PPP1R7: variants seen among roughly 807,000 people sequenced by gnomAD.
PPP1R7 encodes the protein protein phosphatase 1 regulatory subunit 7.
In PPP1R7, 18 loss-of-function variants were observed where a neutral mutation model predicts 45.2. The ratio of observed to expected loss-of-function variants is 0.40; its 90% confidence interval spans 0.28 to 0.59. The LOEUF (loss-of-function observed/expected upper bound fraction) is 0.59. Among genes scored for constraint, PPP1R7 ranks in the 20% least tolerant of loss-of-function variants. The probability of loss-of-function intolerance (pLI) is 0.46; values close to 1 mark genes in which losing one functional copy is unlikely to be tolerated. For missense variants in PPP1R7, 314 were observed against 455.8 expected (o/e 0.69, Z 2.83); for synonymous variants, 181 against 183.4 (o/e 0.99, Z 0.11).
At chr2:241,156,698 GT>G (rs2125483790) in intron 2 of PPP1R7, among the ~76,000 whole-genome samples, 1 of 152,182 alleles carries the variant, frequency 6.6e-6, no homozygotes, top group South Asian at 2.1e-4. Context: ...ATTTAAAAAA[GT>G]TTTTTAAAAG....
chr2:241,178,286 CCT>C (rs1477046946), intron 9 of PPP1R7, among the ~76,000 whole-genome samples: 3 of 152,194 alleles, frequency 2.0e-5, no homozygotes, highest in African/African-American at 7.2e-5. Flanking sequence ...AACCCTGGCG[CCT>C]CTGTTTTCAA....
upstream of PPP1R7, chr2:241,149,612 C>T: frequency 6.5e-7 from 1 of 1,528,228 alleles, no homozygotes; most frequent in Non-Finnish European, 8.8e-7. Context: ...ACGCACCAAA[C>T]ACCCCTACGG....
chr2:241,177,411 A>G (rs1574733468), intron 9 of PPP1R7, among the ~76,000 whole-genome samples: 1 of 137,288 alleles, frequency 7.3e-6, no homozygotes, highest in South Asian at 2.3e-4. Context: ...GCTAGACTCC[A>G]CCTTAAAAAA....
chr2:241,153,400 C>G, intron 1 of PPP1R7, 76 bp from the exon 2 acceptor site: 1 of 1,567,598 alleles, frequency 6.4e-7, no homozygotes, highest in Non-Finnish European at 8.7e-7. Context: ...TTTTGACTTA[C>G]AACCGGGTGT....
At chr2:241,167,260 G>T (rs776014409) in intron 8 of PPP1R7, 1 of 461,188 alleles carries the variant, frequency 2.2e-6, no homozygotes, top group Non-Finnish European at 3.7e-6. Flanking sequence ...TCTCATTAAA[G>T]GCCTTTGTGC....
intron 9 of PPP1R7, among the ~76,000 whole-genome samples, chr2:241,179,173 C>T (rs1037849169): frequency 5.3e-5 from 8 of 152,228 alleles, no homozygotes; most frequent in South Asian, 4.2e-4. Flanking sequence ...GAATCCCAGC[C>T]GTTGGTTCGG....
At chr2:241,149,740 C>T (rs572148928), upstream of PPP1R7, 149 of 1,544,882 alleles carry the variant, frequency 9.6e-5, no homozygotes, top group African/African-American at 7.2e-4. Flanking sequence ...TCTTGGAGGC[C>T]TCTTTCTGAA....
intron 7 of PPP1R7, among the ~76,000 whole-genome samples, chr2:241,165,886 C>A (rs1181923364): frequency 6.6e-6 from 1 of 151,134 alleles, no homozygotes; most frequent in Admixed American, 6.6e-5. Flanking sequence ...CGTGAGCCAC[C>A]GTGCCCAGCC....
At chr2:241,155,859 G>A (rs2067445572) in intron 2 of PPP1R7, among the ~76,000 whole-genome samples, 1 of 152,226 alleles carries the variant, frequency 6.6e-6, no homozygotes, top group Non-Finnish European at 1.5e-5. Flanking sequence ...ACGGTGACTT[G>A]ACACTGTCTT....
At chr2:241,156,210 C>T (rs62187405) in intron 2 of PPP1R7, among the ~76,000 whole-genome samples, 41,439 of 152,150 alleles carry the variant, frequency 0.27, 6,831 homozygotes, top group Middle Eastern at 0.45. Flanking sequence ...GGAAGAGCCA[C>T]AGTAACAGCA....
chr2:241,164,060 G>A (rs2067654139), intron 7 of PPP1R7, among the ~76,000 whole-genome samples: 1 of 152,090 alleles, frequency 6.6e-6, no homozygotes, highest in African/African-American at 2.4e-5. Flanking sequence ...GGGACTGCAG[G>A]TACACAGCAC....
At chr2:241,156,485 A>G (rs1334285244) in intron 2 of PPP1R7, among the ~76,000 whole-genome samples, 1 of 152,196 alleles carries the variant, frequency 6.6e-6, no homozygotes, top group Non-Finnish European at 1.5e-5. Flanking sequence ...AGCCTGGGCA[A>G]CATAGCGAGA....
chr2:241,180,012 C>T (rs368490303), intron 9 of PPP1R7, among the ~76,000 whole-genome samples: 2 of 152,170 alleles, frequency 1.3e-5, no homozygotes, highest in Admixed American at 6.5e-5. Flanking sequence ...CCCATCTAGA[C>T]TAATAATGAC....
chr2:241,165,269 C>T (rs901896153), intron 7 of PPP1R7, among the ~76,000 whole-genome samples: 2 of 151,474 alleles, frequency 1.3e-5, no homozygotes, highest in Non-Finnish European at 2.9e-5. Flanking sequence ...TGGGTTCAAG[C>T]GATTCTCCTG....
At chr2:241,162,276 T>A (rs2067610498) in intron 6 of PPP1R7, among the ~76,000 whole-genome samples, 1 of 152,136 alleles carries the variant, frequency 6.6e-6, no homozygotes, top group African/African-American at 2.4e-5. Flanking sequence ...TAGCACACCA[T>A]CTCCCCTCCT....
intron 6 of PPP1R7, among the ~76,000 whole-genome samples, chr2:241,160,696 G>A (rs1289122435): frequency 6.6e-6 from 1 of 152,188 alleles, no homozygotes; most frequent in Non-Finnish European, 1.5e-5. Flanking sequence ...GAGTGGTCTA[G>A]CCTTTCTTCC....
At chr2:241,157,933 T>C in intron 3 of PPP1R7, 71 bp downstream of exon 3, 1 of 1,494,454 alleles carries the variant, frequency 6.7e-7, no homozygotes, top group Non-Finnish European at 9.3e-7. Flanking sequence ...TTGTATGAGA[T>C]TAGTAAGTTA....
upstream of PPP1R7, chr2:241,150,082 C>T: frequency 1.6e-6 from 2 of 1,274,296 alleles, no homozygotes; most frequent in Non-Finnish European, 2.0e-6. Flanking sequence ...CCGCACCTTG[C>T]AGCCACGGAA....
upstream of PPP1R7, chr2:241,149,852 C>T: frequency 6.8e-7 from 1 of 1,472,074 alleles, no homozygotes; most frequent in Non-Finnish European, 8.9e-7. Context: ...GCAAGGGGAG[C>T]CCAGCTGGCG....
Sources: allele counts gnomAD v4.1 joint callset (sites outside exome capture counted in the v4.1 genomes callset), GRCh38; gene constraint gnomAD v4.1.1; transcripts MANE v1.5; gene names NCBI Gene and HGNC (gene_info 2026-07-23, HGNC 2026-07-21).